The following RUFY4 variants were observed in gnomAD, a reference collection of about 807,000 sequenced individuals.
RUFY4 encodes the protein RUN and FYVE domain-containing protein 4.
Under a neutral mutation model 69.0 loss-of-function variants are expected in RUFY4, and 73 were observed. That is an observed-to-expected ratio of 1.06 (90% CI 0.88 to 1.29). The LOEUF (loss-of-function observed/expected upper bound fraction) is 1.29. RUFY4 is among the 50% of genes most tolerant of loss of function. RUFY4 has a pLI of 0.00. For missense variants in RUFY4, 770 were observed against 705.6 expected, an observed-to-expected ratio of 1.09 and a Z score of -1.03; for synonymous variants, 287 against 271.8, an observed-to-expected ratio of 1.06 and a Z score of -0.55.
At chr2:218,089,803 C>T in intron 10 of RUFY4, 149 bp from the exon 13 acceptor site, 1 of 731,398 alleles carries the variant, frequency 1.4e-6, no homozygotes, top group Non-Finnish European at 2.5e-6. Context: ...GGGAGACCTC[C>T]TGAGACAAAC....
chr2:218,047,301 G>A (rs752031601), intron 2 of RUFY4, among the ~76,000 whole-genome samples: 23 of 152,118 alleles, frequency 1.5e-4, no homozygotes, highest in Middle Eastern at 3.4e-3. Flanking sequence ...GTACATCACC[G>A]AGTTTTTTTA....
At chr2:218,046,109 G>A (rs893895505) in intron 2 of RUFY4, among the ~76,000 whole-genome samples, 2 of 151,950 alleles carry the variant, frequency 1.3e-5, no homozygotes, top group Non-Finnish European at 2.9e-5. Flanking sequence ...CCAGCCCATA[G>A]TGATGTTTTG....
At chr2:218,061,628 A>G (rs1033346151) in intron 3 of RUFY4, among the ~76,000 whole-genome samples, 4 of 152,254 alleles carry the variant, frequency 2.6e-5, no homozygotes, top group African/African-American at 9.6e-5. Flanking sequence ...ACAATTTATC[A>G]AAAGACTTCC....
At position 218,072,903 on chromosome 2, in the gene RUFY4, T is replaced by C. The variant is rs774373092; in HGVS notation, c.386+18T>C. 2.0e-6 allele frequency: 3 copies of C among 1,500,820 alleles called. No individual in the cohort carries two copies. Among genetic ancestry groups the C allele is most frequent in the Non-Finnish European group, 2.7e-6 (3 of 1,127,922 alleles). 93.0% of individuals were successfully genotyped at this position (1,500,820 alleles called of 1,614,324 possible). On this transcript the variant is annotated intron_variant, in intron 4 of 10. Transcript: ENST00000344321. ...CTCACCAGGTGGGGCTGTTGGGACA[T>C]CCTCCTGCCGATGCCATCTGAGCCA...
intron 2 of RUFY4, among the ~76,000 whole-genome samples, chr2:218,053,494 C>T (rs930353947): frequency 2.6e-5 from 4 of 151,840 alleles, no homozygotes; most frequent in African/African-American, 7.3e-5. Flanking sequence ...TACAGGCATG[C>T]GCCACCACAC....
At chr2:218,086,734 GA>G (rs895706616) in intron 9 of RUFY4, among the ~76,000 whole-genome samples, 3 of 151,838 alleles carry the variant, frequency 2.0e-5, no homozygotes, top group South Asian at 2.1e-4. Context: ...GAATTCAGGG[GA>G]AAAAAAATAG....
At chr2:218,084,563 G>A (rs1250224275) in intron 9 of RUFY4, among the ~76,000 whole-genome samples, 3 of 152,000 alleles carry the variant, frequency 2.0e-5, no homozygotes, top group Non-Finnish European at 4.4e-5. Context: ...ATGGTATTAA[G>A]GGTGAGAAAA....
chr2:218,064,173 G>A lies in RUFY4; in HGVS notation c.-1070-4422G>A, dbSNP rs79787000. 9.5e-3 allele frequency among the ~76,000 whole-genome samples: 1,445 copies of A among 152,268 alleles called. 31 individuals are homozygous for A. The highest frequency in any genetic ancestry group is 0.033 in the African/African-American group (1,375 of 41,526). ...ACTGGAGTTTTGCGGAAAGTGAAGC[G>A]TGAAGAAGTATGGGATGAGGGATGG... is the stretch of plus-strand genomic sequence containing the variant. On this transcript the variant is annotated intron_variant and NMD_transcript_variant, in intron 3 of 13. Transcript: ENST00000457754.
chr2:218,060,604 G>C, intron 3 of RUFY4: 1 of 1,346,034 alleles, frequency 7.4e-7, no homozygotes, highest in Admixed American at 1.7e-5. Flanking sequence ...GAGGGTGTCT[G>C]CCAGCAGGAC....
chr2:218,089,064 C>T (rs1039547939), intron 9 of RUFY4, among the ~76,000 whole-genome samples, 188 bp from the exon 12 acceptor site: 1 of 151,780 alleles, frequency 6.6e-6, no homozygotes, highest in Non-Finnish European at 1.5e-5. Flanking sequence ...TGTTTCTGTC[C>T]CTGTCTCTGA....
Position 218,089,733 on chromosome 2 carries a change from G to A in RUFY4, c.1614-219G>A, listed in dbSNP as rs545789836. 3.0e-5 allele frequency: 21 copies of A among 704,260 alleles called. No individual in the cohort carries two copies. The South Asian group carries it at 3.1e-4, about 10-fold the overall frequency. 43.6% of individuals were successfully genotyped at this position (704,260 alleles called of 1,614,324 possible). ...AGAGGAAAGTGAGCCACCAGGAGAA[G>A]CTGCCATGTGGAGGTGGAGGCTCTG... On this transcript the variant is annotated intron_variant, in intron 10 of 10. Transcript: ENST00000344321.
chr2:218,074,990 C>G, intron 6 of RUFY4, 103 bp from the exon 9 acceptor site: 6 of 1,253,962 alleles, frequency 4.8e-6, no homozygotes, highest in Admixed American at 2.9e-5. Context: ...TGGTACCTAT[C>G]TATTTAGCAA....
chr2:218,062,983 T>C (rs968262603), intron 3 of RUFY4, among the ~76,000 whole-genome samples: 2 of 152,166 alleles, frequency 1.3e-5, no homozygotes, highest in East Asian at 1.9e-4. Context: ...TGTGTGTGCC[T>C]CCATCCAGCC....
At chr2:218,090,071 C>A (rs1689997238) in exon 11 of RUFY4, 4 of 1,493,722 alleles carry the variant, frequency 2.7e-6, no homozygotes, top group South Asian at 1.2e-5. Context: ...CCAAGACCAG[C>A]CCATGACTGG....
At chr2:218,052,404 C>T (rs1688964525) in intron 2 of RUFY4, among the ~76,000 whole-genome samples, 1 of 152,132 alleles carries the variant, frequency 6.6e-6, no homozygotes, top group Non-Finnish European at 1.5e-5. Context: ...TATTGGTTTT[C>T]TTGTTTACCT....
At chr2:218,056,230 T>A (rs913601182) in intron 2 of RUFY4, among the ~76,000 whole-genome samples, 2 of 119,362 alleles carry the variant, frequency 1.7e-5, no homozygotes, top group Admixed American at 1.5e-4. Flanking sequence ...CTGGTTGTTG[T>A]TTTTTTTTTT....
intron 3 of RUFY4, chr2:218,061,319 A>C (rs1055444101): frequency 9.8e-6 from 3 of 306,450 alleles, no homozygotes; most frequent in African/African-American, 6.5e-5. Flanking sequence ...AATCTAGTAG[A>C]AAAGGGGTAG....
intron 2 of RUFY4, among the ~76,000 whole-genome samples, chr2:218,072,056 C>A (rs978613023): frequency 6.6e-6 from 1 of 151,752 alleles, no homozygotes; most frequent in Non-Finnish European, 1.5e-5. Flanking sequence ...TAGTGTGGAT[C>A]AAGATGTAAG....
intron 9 of RUFY4, among the ~76,000 whole-genome samples, chr2:218,085,900 G>C (rs1292587055): frequency 2.0e-5 from 3 of 152,136 alleles, no homozygotes; most frequent in Admixed American, 2.0e-4. Context: ...GTTCTAAACA[G>C]ATTTTATTGC....
Sources: allele counts gnomAD v4.1 joint callset (sites outside exome capture counted in the v4.1 genomes callset), GRCh38; gene constraint gnomAD v4.1.1; transcripts MANE v1.5; gene names NCBI Gene and HGNC (gene_info 2026-07-23, HGNC 2026-07-21).